The following CCDC192 variants were observed in gnomAD, a reference collection of about 807,000 sequenced individuals.
CCDC192 encodes coiled-coil domain containing 192, also known as coiled-coil domain-containing protein 192.
chr5:127,847,073 C>T (rs1750586717), intron 5 of CCDC192, among the ~76,000 whole-genome samples: 1 of 152,164 alleles, frequency 6.6e-6, no homozygotes, highest in African/African-American at 2.4e-5. Flanking sequence ...AAAAGTATGA[C>T]TCATGATTTT....
intron 5 of CCDC192, among the ~76,000 whole-genome samples, chr5:127,862,773 A>G (rs947436199): frequency 3.3e-5 from 5 of 152,184 alleles, no homozygotes; most frequent in African/African-American, 7.2e-5. Flanking sequence ...TATTTCTTAT[A>G]CTAATGCATT....
At chr5:127,788,863 A>T (rs1467538191) in intron 3 of CCDC192, among the ~76,000 whole-genome samples, 1 of 152,076 alleles carries the variant, frequency 6.6e-6, no homozygotes, top group Non-Finnish European at 1.5e-5. Flanking sequence ...TTTTAATGTG[A>T]TGGTATTTGG....
chr5:127,903,282 G>A (rs1376603192), intron 6 of CCDC192, among the ~76,000 whole-genome samples: 3 of 149,000 alleles, frequency 2.0e-5, no homozygotes, highest in African/African-American at 7.5e-5. Flanking sequence ...TGGTCTTGTC[G>A]CCCAGGCTGG....
chr5:127,879,235 A>G (rs1447043895), intron 6 of CCDC192, among the ~76,000 whole-genome samples: 2 of 151,744 alleles, frequency 1.3e-5, no homozygotes, highest in Non-Finnish European at 2.9e-5. Context: ...GTACCAAAAC[A>G]GAGATATAGA....
chr5:127,704,687 T>A (rs552594063), intron 1 of CCDC192, among the ~76,000 whole-genome samples: 1 of 152,206 alleles, frequency 6.6e-6, no homozygotes, highest in Non-Finnish European at 1.5e-5. Context: ...GAGTAAGGCT[T>A]TATCCATTTA....
chr5:127,796,513 C>T (rs1259421220), intron 3 of CCDC192, among the ~76,000 whole-genome samples: 1 of 152,132 alleles, frequency 6.6e-6, no homozygotes, highest in Non-Finnish European at 1.5e-5. Flanking sequence ...TACCACTTTC[C>T]TCAAAAGGAA....
chr5:127,916,979 T>G (rs549490818), intron 6 of CCDC192, among the ~76,000 whole-genome samples: 1 of 152,378 alleles, frequency 6.6e-6, no homozygotes, highest in Admixed American at 6.5e-5. Context: ...AATAGAAGGC[T>G]GTTTTGTTGC....
intron 6 of CCDC192, among the ~76,000 whole-genome samples, chr5:127,896,511 A>G (rs1435534023): frequency 1.3e-5 from 2 of 151,022 alleles, no homozygotes; most frequent in African/African-American, 2.4e-5. Context: ...TCGGCTCACC[A>G]CAACCTCTGC....
intron 2 of CCDC192, among the ~76,000 whole-genome samples, chr5:127,732,881 A>G (rs1446624169): frequency 6.6e-6 from 1 of 152,156 alleles, no homozygotes; most frequent in Admixed American, 6.6e-5. Context: ...CAGGGTAAAT[A>G]GCTAATGCAT....
At chr5:127,834,143 T>G (rs1416170902) in intron 5 of CCDC192, among the ~76,000 whole-genome samples, 1 of 152,152 alleles carries the variant, frequency 6.6e-6, no homozygotes, top group Non-Finnish European at 1.5e-5. Flanking sequence ...ACCAGAGATG[T>G]ACCTAGACCC....
chr5:127,816,597 T>G (rs1286304468), intron 5 of CCDC192, among the ~76,000 whole-genome samples: 1 of 152,192 alleles, frequency 6.6e-6, no homozygotes, highest in Non-Finnish European at 1.5e-5. Flanking sequence ...GCTGTATAGT[T>G]CTAGCTGGTA....
chr5:127,907,798 TCTCTC>T (rs1753241483), intron 6 of CCDC192, among the ~76,000 whole-genome samples: 1 of 152,182 alleles, frequency 6.6e-6, no homozygotes, highest in Non-Finnish European at 1.5e-5. Flanking sequence ...TGGTGACTCT[TCTCTC>T]AAAACAAAAC....
At chr5:127,727,114 A>G (rs1752371144) in intron 2 of CCDC192, among the ~76,000 whole-genome samples, 1 of 152,156 alleles carries the variant, frequency 6.6e-6, no homozygotes, top group Admixed American at 6.5e-5. Context: ...GACCCTGACA[A>G]ATAGGGTCTG....
chr5:127,897,048 A>G (rs1259843748), intron 6 of CCDC192, among the ~76,000 whole-genome samples: 6 of 147,856 alleles, frequency 4.1e-5, no homozygotes, highest in African/African-American at 1.0e-4. Flanking sequence ...TTTCTTCTCT[A>G]ATGTCTCTCT....
chr5:127,752,467 C>G (rs907501297), intron 2 of CCDC192, among the ~76,000 whole-genome samples: 10 of 152,290 alleles, frequency 6.6e-5, no homozygotes, highest in Middle Eastern at 3.4e-3. Flanking sequence ...GCAGTCTGCC[C>G]GTTCTCAGAT....
At chr5:127,819,354 C>CAAT (rs1749181314) in intron 5 of CCDC192, among the ~76,000 whole-genome samples, 1 of 152,164 alleles carries the variant, frequency 6.6e-6, no homozygotes, top group African/African-American at 2.4e-5. Flanking sequence ...GTTCCTGACT[C>CAAT]TGTATTCTTA....
intron 2 of CCDC192, among the ~76,000 whole-genome samples, chr5:127,752,770 G>A (rs1277523737): frequency 1.3e-5 from 2 of 152,190 alleles, no homozygotes; most frequent in Admixed American, 6.5e-5. Context: ...GCGAGACTCC[G>A]TGGGCGTAGG....
intron 2 of CCDC192, among the ~76,000 whole-genome samples, chr5:127,730,013 A>G (rs1318084180): frequency 6.6e-6 from 1 of 152,166 alleles, no homozygotes; most frequent in Non-Finnish European, 1.5e-5. Flanking sequence ...ACAAGAAATA[A>G]CCAAAATCAA....
chr5:127,771,552 A>G (rs1755552110), intron 3 of CCDC192, among the ~76,000 whole-genome samples: 1 of 152,218 alleles, frequency 6.6e-6, no homozygotes, highest in Non-Finnish European at 1.5e-5. Context: ...CAGAAAGAGT[A>G]AACTAGAAAA....
Sources: allele counts gnomAD v4.1 joint callset (sites outside exome capture counted in the v4.1 genomes callset), GRCh38; gene constraint gnomAD v4.1.1; transcripts MANE v1.5; gene names NCBI Gene and HGNC (gene_info 2026-07-23, HGNC 2026-07-21).